CTNNA3: variants seen among roughly 807,000 people sequenced by gnomAD.
CTNNA3 encodes catenin alpha-3.
Under a neutral mutation model 95.7 loss-of-function variants are expected in CTNNA3, and 76 were observed. That is an observed-to-expected ratio of 0.79 (90% CI 0.66 to 0.96). CTNNA3 has a LOEUF of 0.96. Ranked by LOEUF, CTNNA3 falls within the 40% of genes least tolerant of loss-of-function variation. The pLI, the probability that CTNNA3 is intolerant of heterozygous loss-of-function variation, is 0.00. For synonymous variants in CTNNA3, 431 were observed against 374.4 expected, an observed-to-expected ratio of 1.15 and a Z score of -1.74; for missense variants, 1,191 against 1,089.8, an observed-to-expected ratio of 1.09 and a Z score of -1.31.
intron 9 of CTNNA3, among the ~76,000 whole-genome samples, chr10:66,689,915 CACAGAGAAGGCAAAATGCT>C (rs1468869811): frequency 6.6e-6 from 1 of 152,066 alleles, no homozygotes; most frequent in Non-Finnish European, 1.5e-5. Context: ...ATAGAAAAGA[CACAGAGAAGGCAAAATGCT>C]ACAGATCTGC....
intron 5 of CTNNA3, among the ~76,000 whole-genome samples, chr10:67,315,395 C>T (rs1157734131): frequency 6.6e-6 from 1 of 152,106 alleles, no homozygotes; most frequent in Non-Finnish European, 1.5e-5. Flanking sequence ...GAAGAACTGA[C>T]CATAATAATA....
chr10:66,947,462 A>G (rs1029607821), intron 7 of CTNNA3, among the ~76,000 whole-genome samples: 1 of 152,054 alleles, frequency 6.6e-6, no homozygotes, highest in Admixed American at 6.6e-5. Context: ...CTTCTACATA[A>G]CTTTATTTTA....
chr10:66,259,994 C>A (rs1009280454), intron 13 of CTNNA3, among the ~76,000 whole-genome samples: 4 of 152,030 alleles, frequency 2.6e-5, no homozygotes, highest in African/African-American at 9.7e-5. Flanking sequence ...GGAACTGATA[C>A]CCCAAAATAC....
chr10:67,529,809 T>C (rs1840269443), intron 4 of CTNNA3, among the ~76,000 whole-genome samples: 2 of 152,210 alleles, frequency 1.3e-5, no homozygotes, highest in African/African-American at 4.8e-5. Flanking sequence ...TATCTTGATG[T>C]GGTTTGGCTG....
At chr10:66,103,105 A>G in intron 14 of CTNNA3, 52 bp downstream of exon 14, 1 of 1,449,706 alleles carries the variant, frequency 6.9e-7, no homozygotes, top group Non-Finnish European at 9.7e-7. Context: ...AAGGGAGGGC[A>G]CAGCCTTCAG....
At chr10:67,376,022 T>G (rs1945484241) in intron 5 of CTNNA3, among the ~76,000 whole-genome samples, 1 of 152,204 alleles carries the variant, frequency 6.6e-6, no homozygotes, top group South Asian at 2.1e-4. Flanking sequence ...AGGAAGGCAC[T>G]GTCTATGAGA....
rs115163831 is a variant in CTNNA3 at position 66,856,088 on chromosome 10, A to T, written c.1048-80564T>A. 6.7e-4 allele frequency among the ~76,000 whole-genome samples: 102 copies of T among 151,994 alleles called. 1 individual carries two copies. The highest frequency in any genetic ancestry group is 2.0e-3 in the African/African-American group (82 of 41,510). On this transcript the variant is annotated intron_variant, in intron 7 of 17. Coordinates refer to ENST00000433211, the MANE Select transcript of CTNNA3 (RefSeq NM_013266.4). ...TCTAAATCCTCACCCTCCACCCTAG[A>T]GTACACCCTGGTGTCTGTTGTCTCC... is the stretch of plus-strand genomic sequence containing the variant.
chr10:66,514,810 A>T lies in CTNNA3; in HGVS notation c.1531+5807T>A, dbSNP rs544743045. On this transcript the variant is annotated intron_variant, in intron 11 of 17. Coordinates refer to ENST00000433211, the MANE Select transcript of CTNNA3 (RefSeq NM_013266.4). ...TTGAATAGTTCTTATGGTCCAAATC[A>T]TTCATCCCTTCTATCAAAGTTTGTA... is the stretch of plus-strand genomic sequence containing the variant. Among the ~76,000 whole-genome samples the T allele has an allele frequency of 5.9e-5, 9 of 152,320 alleles. No homozygotes were observed. In the East Asian group the frequency reaches 1.4e-3, roughly 23 times the overall value.
intron 12 of CTNNA3, among the ~76,000 whole-genome samples, chr10:66,341,268 C>G (rs2092450467): frequency 6.6e-6 from 1 of 151,886 alleles, no homozygotes; most frequent in Admixed American, 6.6e-5. Context: ...ATCAAAACTG[C>G]ACACGTTCTG....
rs117143020 is a variant in CTNNA3 at position 66,719,933 on chromosome 10, T to G, written c.1281+46331A>C. Among the ~76,000 whole-genome samples the G allele has an allele frequency of 9.7e-3, 1,474 of 152,238 alleles. 13 individuals carry two copies. The highest frequency in any genetic ancestry group is 0.031 in the Middle Eastern group (9 of 294). Reference sequence around the variant, plus strand: ...ATGGACTCAGGCTTTTAGAAAGCTTTTTCACAATGGGGGACAAAGTAGCAA... The same window carrying G: ...ATGGACTCAGGCTTTTAGAAAGCTTGTTCACAATGGGGGACAAAGTAGCAA... On this transcript the variant is annotated intron_variant, in intron 9 of 17. Transcript: ENST00000433211.
At chr10:66,643,365 T>C (rs4344385) in intron 9 of CTNNA3, among the ~76,000 whole-genome samples, 101,274 of 151,992 alleles carry the variant, frequency 0.67, 34,700 homozygotes, top group East Asian at 0.95. Context: ...TGGAAGCATG[T>C]TATTAATCTA....
At chr10:66,573,483 A>G (rs142012665) in intron 10 of CTNNA3, among the ~76,000 whole-genome samples, 153 of 152,304 alleles carry the variant, frequency 1.0e-3, no homozygotes, top group African/African-American at 3.6e-3. Flanking sequence ...TATAGGAAAA[A>G]TTCTAAGTGT....
At chr10:66,674,834 G>C (rs1846792573) in intron 9 of CTNNA3, among the ~76,000 whole-genome samples, 1 of 152,016 alleles carries the variant, frequency 6.6e-6, no homozygotes, top group African/African-American at 2.4e-5. Flanking sequence ...GGCATAAAGA[G>C]GAACAGAAAG....
At chr10:66,264,342 TTCAG>T (rs2091093840) in intron 13 of CTNNA3, among the ~76,000 whole-genome samples, 1 of 151,968 alleles carries the variant, frequency 6.6e-6, no homozygotes, top group African/African-American at 2.4e-5. Flanking sequence ...TCCCAGCAAT[TTCAG>T]TCAATTTTAC....
At chr10:66,251,871 A>T (rs1443825337) in intron 13 of CTNNA3, among the ~76,000 whole-genome samples, 1 of 152,156 alleles carries the variant, frequency 6.6e-6, no homozygotes, top group East Asian at 1.9e-4. Context: ...TATCATCCCC[A>T]TTTTGCAAAT....
chr10:66,482,492 A>G (rs756837802), intron 11 of CTNNA3, among the ~76,000 whole-genome samples: 1 of 152,184 alleles, frequency 6.6e-6, no homozygotes, highest in Non-Finnish European at 1.5e-5. Context: ...TCAGTTTATC[A>G]TTGGCCGCAC....
chr10:67,019,895 A>G (rs576876543), intron 7 of CTNNA3, among the ~76,000 whole-genome samples: 1 of 152,332 alleles, frequency 6.6e-6, no homozygotes, highest in East Asian at 1.9e-4. Context: ...TAATTCTACC[A>G]TAAAAACAGC....
At chr10:66,321,138 C>A (rs1053325864) in intron 12 of CTNNA3, among the ~76,000 whole-genome samples, 1 of 151,902 alleles carries the variant, frequency 6.6e-6, no homozygotes, top group East Asian at 1.9e-4. Flanking sequence ...TAGCCCAAGT[C>A]CAGCTTCTAC....
chr10:66,691,930 A>G (rs1847559480), intron 9 of CTNNA3, among the ~76,000 whole-genome samples: 1 of 145,162 alleles, frequency 6.9e-6, no homozygotes. Context: ...ACTAACAAAC[A>G]GAAAGGACAT....
Sources: allele counts gnomAD v4.1 joint callset (sites outside exome capture counted in the v4.1 genomes callset), GRCh38; gene constraint gnomAD v4.1.1; transcripts MANE v1.5; gene names NCBI Gene and HGNC (gene_info 2026-07-23, HGNC 2026-07-21).